PAK3: variants seen among roughly 807,000 people sequenced by gnomAD.
PAK3 encodes p21 (RAC1) activated kinase 3.
In PAK3, 4 loss-of-function variants were observed where a neutral mutation model predicts 41.0. The observed-to-expected ratio is 0.10, with a 90% CI of 0.05 to 0.22. PAK3 has a LOEUF of 0.22. Ranked by LOEUF, PAK3 falls within the 10% of genes least tolerant of loss-of-function variation. The pLI is 1.00. For synonymous variants in PAK3, 146 were observed against 139.6 expected, an observed-to-expected ratio of 1.05 and a Z score of -0.32; for missense variants, 205 against 409.9, an observed-to-expected ratio of 0.50 and a Z score of 4.32.
intron 10 of PAK3, among the ~76,000 whole-genome samples, chrX:111,168,869 G>A (rs772789934): frequency 1.3e-4 from 14 of 111,136 alleles, no homozygotes; most frequent in African/African-American, 2.3e-4. Flanking sequence ...CTTTAAAATC[G>A]TCATTTCATT....
chrX:110,957,979 T>C (rs1373143756), intron 1 of PAK3, among the ~76,000 whole-genome samples: 1 of 111,518 alleles, frequency 9.0e-6, no homozygotes, highest in Non-Finnish European at 1.9e-5. Flanking sequence ...AGTAGTGCTG[T>C]GAAGGAAAAG....
At chrX:111,035,009 G>A (rs1412344475) in intron 1 of PAK3, among the ~76,000 whole-genome samples, 2 of 105,846 alleles carry the variant, frequency 1.9e-5, no homozygotes, top group African/African-American at 7.0e-5. Context: ...CAGGGGCTGA[G>A]GTGGAAGGAT....
chrX:110,999,924 C>T (rs146064607), intron 1 of PAK3, among the ~76,000 whole-genome samples: 2,062 of 111,189 alleles, frequency 0.019, 62 homozygotes, highest in African/African-American at 0.062. Flanking sequence ...GCTAAGATCG[C>T]GCCACTACAT....
At chrX:110,950,093 G>A (rs1212641817) in intron 1 of PAK3, among the ~76,000 whole-genome samples, 1 of 110,504 alleles carries the variant, frequency 9.0e-6, no homozygotes, top group Admixed American at 9.6e-5. Context: ...GCTGGACATT[G>A]TGGGGGAGTG....
chrX:111,096,766 G>T (rs758062751), intron 1 of PAK3: 1 of 34,173 alleles, frequency 2.9e-5, no homozygotes, highest in Non-Finnish European at 5.6e-5. Context: ...CCCCCCGCCC[G>T]CCCCCCTACC....
chrX:110,944,974 G>A (rs2090581503), intron 1 of PAK3, among the ~76,000 whole-genome samples: 1 of 112,181 alleles, frequency 8.9e-6, no homozygotes, highest in Admixed American at 9.4e-5. Flanking sequence ...GATGGATGGA[G>A]ATGATCCAGC....
chrX:111,152,281 T>C, intron 7 of PAK3, 129 bp from the exon 8 acceptor site: 1 of 493,058 alleles, frequency 2.0e-6, no homozygotes, highest in South Asian at 2.8e-5. Flanking sequence ...AATATCTAGT[T>C]AATACTAAAT....
chrX:110,981,918 C>T (rs751204232), intron 1 of PAK3, among the ~76,000 whole-genome samples: 1 of 111,455 alleles, frequency 9.0e-6, no homozygotes, highest in Non-Finnish European at 1.9e-5. Flanking sequence ...ATGGTGTTTT[C>T]CTTGGCTAGA....
chrX:111,065,694 C>G (rs946524796), intron 1 of PAK3, among the ~76,000 whole-genome samples: 2 of 111,172 alleles, frequency 1.8e-5, no homozygotes, highest in African/African-American at 6.5e-5. Flanking sequence ...GTAAGGGGCT[C>G]TTTTTGATTG....
chrX:110,963,960 G>A (rs1451622388), intron 1 of PAK3, among the ~76,000 whole-genome samples: 1 of 112,041 alleles, frequency 8.9e-6, no homozygotes, highest in Non-Finnish European at 1.9e-5. Flanking sequence ...ATACACAACT[G>A]GGCAAGTCAA....
chrX:111,019,726 G>T (rs1423242161), intron 1 of PAK3, among the ~76,000 whole-genome samples: 1 of 105,019 alleles, frequency 9.5e-6, no homozygotes, highest in Non-Finnish European at 1.9e-5. Flanking sequence ...AGAAAAAGGG[G>T]GGGGGGCAAA....
intron 1 of PAK3, among the ~76,000 whole-genome samples, chrX:110,962,577 T>C (rs915412203): frequency 8.9e-6 from 1 of 112,601 alleles, no homozygotes; most frequent in African/African-American, 3.2e-5. Flanking sequence ...TCCCAGGGAC[T>C]TATAGCAGTG....
intron 10 of PAK3, among the ~76,000 whole-genome samples, chrX:111,168,904 C>A (rs887955105): frequency 5.4e-5 from 6 of 111,321 alleles, no homozygotes; most frequent in African/African-American, 2.0e-4. Flanking sequence ...CAGGCCCTTG[C>A]GCATTAATAG....
chrX:111,006,792 G>A (rs1020471947), intron 1 of PAK3, among the ~76,000 whole-genome samples: 1 of 101,868 alleles, frequency 9.8e-6, no homozygotes, highest in East Asian at 3.2e-4. Context: ...TCTGTAGTGG[G>A]ACCTGAGAAT....
At chrX:111,014,390 A>G (rs1009201820) in intron 1 of PAK3, among the ~76,000 whole-genome samples, 2 of 111,525 alleles carry the variant, frequency 1.8e-5, no homozygotes, top group African/African-American at 6.5e-5. Flanking sequence ...AAAAGTAGAC[A>G]TGCCTTAAAA....
intron 1 of PAK3, among the ~76,000 whole-genome samples, chrX:110,975,122 G>A (rs752180855): frequency 8.9e-6 from 1 of 111,989 alleles, no homozygotes; most frequent in East Asian, 2.8e-4. Context: ...AATCAGGCAG[G>A]AGAAAGAAAT....
chrX:111,063,964 C>G (rs1157969404), intron 1 of PAK3, among the ~76,000 whole-genome samples: 2 of 111,728 alleles, frequency 1.8e-5, no homozygotes, highest in African/African-American at 6.5e-5. Flanking sequence ...TGATTCAACC[C>G]CTGAATAACT....
chrX:111,048,714 T>C lies in PAK3; in HGVS notation c.-27-74363T>C, dbSNP rs765416787. Among the ~76,000 whole-genome samples, 5 of 112,240 alleles carry C rather than the reference T, an allele frequency of 4.5e-5. No homozygotes were observed. The East Asian group carries it at 1.1e-3, about 25-fold the overall frequency. On this transcript the variant is annotated intron_variant, in intron 1 of 14. Coordinates refer to the PAK3 transcript ENST00000425146. ...AAAAACGTATAAAAATCCATCCATG[T>C]TGTCTATCTCCACTGCTCCCACCTG...
At chrX:111,139,572 C>T (rs1322494742) in intron 5 of PAK3, among the ~76,000 whole-genome samples, 1 of 111,822 alleles carries the variant, frequency 8.9e-6, no homozygotes, top group East Asian at 2.8e-4. Flanking sequence ...ATAGAGAACA[C>T]CAGAAGAGGA....
Sources: allele counts gnomAD v4.1 joint callset (sites outside exome capture counted in the v4.1 genomes callset), GRCh38; gene constraint gnomAD v4.1.1; transcripts MANE v1.5; gene names NCBI Gene and HGNC (gene_info 2026-07-23, HGNC 2026-07-21).